The following USP8 variants were observed in gnomAD, a reference collection of about 807,000 sequenced individuals.
The protein encoded by USP8 is ubiquitin carboxyl-terminal hydrolase 8.
Under a neutral mutation model 130.0 loss-of-function variants are expected in USP8, and 27 were observed. The observed-to-expected ratio is 0.21, with a 90% confidence interval of 0.15 to 0.29. The LOEUF is 0.29. Ranked by LOEUF, USP8 falls within the 10% of genes least tolerant of loss-of-function variation. The pLI, the probability that USP8 is intolerant of heterozygous loss-of-function variation, is 1.00. For synonymous variants in USP8, 392 were observed against 444.1 expected, an observed-to-expected ratio of 0.88 and a Z score of 1.48; for missense variants, 1,029 against 1,312.2, an observed-to-expected ratio of 0.78 and a Z score of 3.33.
intron 11 of USP8, among the ~76,000 whole-genome samples, chr15:50,484,004 TC>T (rs2051864258): frequency 6.6e-6 from 1 of 151,960 alleles, no homozygotes. Flanking sequence ...ACATTAATGA[TC>T]AGCATTTTAT....
intron 4 of USP8, among the ~76,000 whole-genome samples, chr15:50,457,070 C>T (rs917338559): frequency 1.3e-5 from 2 of 152,078 alleles, no homozygotes; most frequent in African/African-American, 4.8e-5. Flanking sequence ...ATAGATGGCA[C>T]GTTTTTGGTC....
chr15:50,438,995 T>C lies in USP8; in HGVS notation c.-65-14T>C, dbSNP rs1166660288. ...AATGAGGAAAATTAGTATAATTATT[T>C]GTATTTGTTTCAGGAAAGAAGCACT... On this transcript the variant is annotated splice_polypyrimidine_tract_variant and intron_variant, in intron 1 of 19. Coordinates refer to ENST00000307179, the MANE Select transcript of USP8 (RefSeq NM_005154.5). 2.0e-6 allele frequency: 2 copies of C among 1,012,854 alleles called. No individual in the cohort carries two copies. Among genetic ancestry groups the C allele is most frequent in the Non-Finnish European group, 2.9e-6 (2 of 678,050 alleles). The allele number at this position is 1,012,854 out of a possible 1,614,324, so 62.7% of individuals were successfully genotyped here. A position where few individuals can be genotyped will look rare whatever the true frequency, so the allele number is the denominator to read the frequency against.
In USP8 at chr15:50,488,552, C is replaced by CTTTT. The variant is rs397853938; in HGVS notation, c.1891-1223_1891-1220dup. Reference sequence around the variant, plus strand: ...GTGCATGCCATCACATCAAGGTTGGCTTTTTTTTTTTTTTTTTTTTTTTTT... The same window carrying CTTTT: ...GTGCATGCCATCACATCAAGGTTGGCTTTTTTTTTTTTTTTTTTTTTTTTTTTTT... On this transcript the variant is annotated intron_variant, in intron 12 of 19. Transcript: ENST00000307179. Among the ~76,000 whole-genome samples, 19 of 70,894 alleles carry CTTTT rather than the reference C, an allele frequency of 2.7e-4. 2 individuals carry two copies. Among genetic ancestry groups the CTTTT allele is most frequent in the African/African-American group, 7.0e-4 (12 of 17,196 alleles). 46.5% of individuals were successfully genotyped at this position (70,894 alleles called of 152,430 possible). A position where few individuals can be genotyped will look rare whatever the true frequency, so the allele number is the denominator to read the frequency against.
At chr15:50,471,901 CCTT>C in intron 8 of USP8, 106 bp downstream of exon 8, 1 of 1,159,874 alleles carries the variant, frequency 8.6e-7, no homozygotes, top group East Asian at 2.6e-5. Context: ...ATTCATCATG[CCTT>C]TTTTTTTTTT....
intron 1 of USP8, among the ~76,000 whole-genome samples, chr15:50,427,838 C>T (rs1046893125): frequency 1.3e-5 from 2 of 151,366 alleles, no homozygotes; most frequent in African/African-American, 2.4e-5. Flanking sequence ...GGATTATAGC[C>T]GTGAGCCACC....
chr15:50,441,768 G>T (rs1294549797), intron 3 of USP8, among the ~76,000 whole-genome samples: 1 of 151,930 alleles, frequency 6.6e-6, no homozygotes, highest in African/African-American at 2.4e-5. Context: ...ATTAATAATT[G>T]CCAGGTCAAG....
chr15:50,470,085 G>T (rs887022068), intron 7 of USP8, among the ~76,000 whole-genome samples: 2 of 152,122 alleles, frequency 1.3e-5, no homozygotes, highest in Non-Finnish European at 2.9e-5. Flanking sequence ...AGCCAGCCTT[G>T]GCCTCCCAAA....
intron 12 of USP8, among the ~76,000 whole-genome samples, chr15:50,488,580 T>G (rs1387515180): frequency 8.3e-6 from 1 of 120,734 alleles, no homozygotes; most frequent in Non-Finnish European, 1.8e-5. Flanking sequence ...TTTTTTTTTT[T>G]TGGAGATGGA....
At chr15:50,487,287 A>G (rs1414858933) in intron 12 of USP8, among the ~76,000 whole-genome samples, 1 of 152,186 alleles carries the variant, frequency 6.6e-6, no homozygotes, top group Non-Finnish European at 1.5e-5. Context: ...TAAGAACTTA[A>G]GCCTTAGTCA....
intron 3 of USP8, among the ~76,000 whole-genome samples, chr15:50,441,969 C>CTTTTTTTT (rs1011150634): frequency 4.9e-5 from 4 of 81,426 alleles, no homozygotes; most frequent in Non-Finnish European, 6.6e-5. Flanking sequence ...CTCCCTAAAT[C>CTTTTTTTT]TTTTTTTTTT....
intron 6 of USP8, 48 bp downstream of exon 6, chr15:50,462,370 C>G: frequency 6.6e-7 from 1 of 1,509,504 alleles, no homozygotes; most frequent in Non-Finnish European, 9.0e-7. Flanking sequence ...TGACTGAGAT[C>G]TTTTAATCAG....
rs1051525108 is a variant in USP8, at chr15:50,501,953, A to G, written c.*2865A>G. Reference sequence around the variant, plus strand: ...AACACAGTCATGCTCATTTGTTTACACTTTTCAGTGGCTGCTTTAATGATA... The same window carrying G: ...AACACAGTCATGCTCATTTGTTTACGCTTTTCAGTGGCTGCTTTAATGATA... On this transcript the variant is annotated 3_prime_UTR_variant, in exon 20 of 20. Transcript: ENST00000307179. 1 of 152,192 alleles carries G rather than the reference A, an allele frequency of 6.6e-6. No homozygotes were observed. Among genetic ancestry groups the G allele is most frequent in the Admixed American group, 6.5e-5 (1 of 15,286 alleles). 9.4% of individuals were successfully genotyped at this position (152,192 alleles called of 1,614,324 possible).
rs546844340 is a variant in USP8, at chr15:50,513,754, G to C, written c.*14666G>C. On this transcript the variant is annotated 3_prime_UTR_variant, in exon 20 of 20. Transcript: ENST00000307179. ...GCAACCAGAAGGGCCAAAACAAAACGAACAAAAGACTACCAAGTGTTAACA... is the reference window on the plus strand; with the variant it reads ...GCAACCAGAAGGGCCAAAACAAAACCAACAAAAGACTACCAAGTGTTAACA... 1.3e-4 allele frequency: 20 copies of C among 152,228 alleles called. No individual in the cohort carries two copies. The highest frequency in any genetic ancestry group is 4.6e-4 in the African/African-American group (19 of 41,554). The allele number at this position is 152,228 out of a possible 1,614,324, so 9.4% of individuals were successfully genotyped here. A position where few individuals can be genotyped will look rare whatever the true frequency, so the allele number is the denominator to read the frequency against.
At chr15:50,459,580 G>A (rs1201771985) in intron 5 of USP8, among the ~76,000 whole-genome samples, 1 of 151,772 alleles carries the variant, frequency 6.6e-6, no homozygotes, top group Non-Finnish European at 1.5e-5. Flanking sequence ...CAACACTCTT[G>A]TCTCAAAAAA....
chr15:50,501,135 C>G lies in USP8; in HGVS notation c.*2047C>G, dbSNP rs1338381076. The G allele has an allele frequency of 1.8e-5, 5 of 281,884 alleles. No homozygotes were observed. 17.5% of individuals were successfully genotyped at this position (281,884 alleles called of 1,614,324 possible). The stretch of plus-strand genomic sequence containing the variant: ...TTAGTTAGCACTTAATATACATCAA[C>G]TATTAAGCATTAAAGGAAATTTTAC... On this transcript the variant is annotated 3_prime_UTR_variant, in exon 20 of 20. Transcript: ENST00000307179.
intron 8 of USP8, among the ~76,000 whole-genome samples, chr15:50,476,504 T>C (rs1053264820): frequency 4.6e-5 from 7 of 152,180 alleles, no homozygotes; most frequent in African/African-American, 1.7e-4. Flanking sequence ...AAGATGTTCA[T>C]AGAAAAGCAA....
At chr15:50,470,312 A>C (rs2051333442) in intron 7 of USP8, among the ~76,000 whole-genome samples, 1 of 152,196 alleles carries the variant, frequency 6.6e-6, no homozygotes. Context: ...GTGCCTTGGA[A>C]ATGGGAATAT....
chr15:50,428,125 T>C (rs1325283945), intron 1 of USP8, among the ~76,000 whole-genome samples: 1 of 152,182 alleles, frequency 6.6e-6, no homozygotes, highest in East Asian at 1.9e-4. Flanking sequence ...GTTTTTTGTT[T>C]GTTTGTTTTT....
rs1483571046 is a variant in USP8 at position 50,504,676 on chromosome 15, G to C, written c.*5588G>C. The C allele has an allele frequency of 6.6e-6, 1 of 152,076 alleles. No individual in the cohort carries two copies. Among genetic ancestry groups the C allele is most frequent in the Non-Finnish European group, 1.5e-5 (1 of 68,048 alleles). 9.4% of individuals were successfully genotyped at this position (152,076 alleles called of 1,614,324 possible). ...GAAATTAACTTAATGAAGATATTAG[G>C]ACACAGAAAATGAATAAACCGGACT... On this transcript the variant is annotated 3_prime_UTR_variant, in exon 20 of 20. Transcript: ENST00000307179.
Sources: allele counts gnomAD v4.1 joint callset (sites outside exome capture counted in the v4.1 genomes callset), GRCh38; gene constraint gnomAD v4.1.1; transcripts MANE v1.5; gene names NCBI Gene and HGNC (gene_info 2026-07-23, HGNC 2026-07-21).